EEF2K: variants seen among roughly 807,000 people sequenced by gnomAD.
EEF2K encodes the protein eukaryotic elongation factor 2 kinase.
In EEF2K, 70 loss-of-function variants were observed where a neutral mutation model predicts 93.8. The ratio of observed to expected loss-of-function variants is 0.75; its 90% CI spans 0.62 to 0.91. EEF2K has a LOEUF of 0.91. Among genes scored for constraint, EEF2K ranks in the 40% least tolerant of loss-of-function variants. The pLI, the probability that EEF2K is intolerant of heterozygous loss-of-function variation, is 0.00. For synonymous variants in EEF2K, 376 were observed against 380.8 expected (o/e 0.99, Z 0.15); for missense variants, 935 against 972.9 (o/e 0.96, Z 0.52).
At chr16:22,255,803 G>A (rs1156360477) in intron 6 of EEF2K, among the ~76,000 whole-genome samples, 3 of 152,044 alleles carry the variant, frequency 2.0e-5, no homozygotes, top group Admixed American at 6.6e-5. Context: ...CTAGCTTCTC[G>A]GGAGGCTGAG....
chr16:22,284,599 CATTTTT>C lies in EEF2K; in HGVS notation c.*608_*613del, dbSNP rs1267134795. On this transcript the variant is annotated 3_prime_UTR_variant, in exon 18 of 18. Coordinates refer to ENST00000263026, the MANE Select transcript of EEF2K (RefSeq NM_013302.5). ...CCTGCCCATTTTGTGGTTCTATTTTCATTTTTATTTCTTTTTTTTTTTTTGTCACGA... is the reference window on the plus strand; with the variant it reads ...CCTGCCCATTTTGTGGTTCTATTTTCATTTCTTTTTTTTTTTTTGTCACGA... 1 of 151,470 alleles carries C rather than the reference CATTTTT, an allele frequency of 6.6e-6. No individual in the cohort carries two copies. The highest frequency in any genetic ancestry group is 1.5e-5 in the Non-Finnish European group (1 of 67,934). The allele number at this position is 151,470 out of a possible 1,614,324, so 9.4% of individuals were successfully genotyped here. A position where few individuals can be genotyped will look rare whatever the true frequency, so the allele number is the denominator to read the frequency against.
chr16:22,250,712 C>T (rs1424435651), intron 5 of EEF2K, 21 bp downstream of exon 5: 1 of 1,613,986 alleles, frequency 6.2e-7, no homozygotes, highest in Admixed American at 1.7e-5. Flanking sequence ...CAGCCTGGCT[C>T]TTGGGGCCCT....
At position 22,266,409 on chromosome 16, in the gene EEF2K, A is replaced by G; in HGVS notation, c.1460A>G (p.Asn487Ser). Residue 487 changes from asparagine to serine, a missense_variant, in exon 14 of 18, where the codon AAT (asparagine) becomes AGT (serine). Coordinates refer to ENST00000263026, the MANE Select transcript of EEF2K (RefSeq NM_013302.5). Reference sequence around the variant, plus strand: ...CTTCAGGTATGTGTAGAGAAGTGGAATCTCCTCAACTCCTCCCGCCTCCAC... The same window carrying G: ...CTTCAGGTATGTGTAGAGAAGTGGAGTCTCCTCAACTCCTCCCGCCTCCAC... ...SSGRVCVEKW[N>S]LLNSSRLHLP... 6.2e-7 allele frequency: 1 copy of G among 1,614,016 alleles called. No homozygotes were observed. The highest frequency in any genetic ancestry group is 8.5e-7 in the Non-Finnish European group (1 of 1,179,984).
At chr16:22,256,614 C>T in intron 6 of EEF2K, 134 bp from the exon 7 acceptor site, 1 of 993,392 alleles carries the variant, frequency 1.0e-6, no homozygotes, top group East Asian at 2.8e-5. Context: ...GGAGCTCCTA[C>T]AATAGAGAGC....
At chr16:22,263,251 G>T (rs2047484359) in intron 12 of EEF2K, 64 bp downstream of exon 12, 2 of 1,475,914 alleles carry the variant, frequency 1.4e-6, no homozygotes, top group Admixed American at 2.2e-5. Context: ...CCAGGAAAAT[G>T]AAAACTCCCC....
At chr16:22,265,211 C>T (rs780893318) in intron 13 of EEF2K, 1 of 225,596 alleles carries the variant, frequency 4.4e-6, no homozygotes, top group South Asian at 9.2e-5. Context: ...GAGAGACAGG[C>T]TAATGTGACT....
At chr16:22,255,256 C>T (rs972979939) in intron 6 of EEF2K, among the ~76,000 whole-genome samples, 4 of 152,076 alleles carry the variant, frequency 2.6e-5, no homozygotes, top group Non-Finnish European at 4.4e-5. Flanking sequence ...GCAAACAGAC[C>T]CACAAAATAT....
intron 10 of EEF2K, 76 bp from the exon 11 acceptor site, chr16:22,260,386 G>T: frequency 2.6e-6 from 4 of 1,515,610 alleles, no homozygotes; most frequent in Non-Finnish European, 2.7e-6. Flanking sequence ...GGTATGGACC[G>T]CCCTAGGCCG....
chr16:22,260,550 G>A (rs375373332), intron 11 of EEF2K, 21 bp downstream of exon 11: 1 of 1,614,052 alleles, frequency 6.2e-7, no homozygotes, highest in Non-Finnish European at 8.5e-7. Context: ...AGGGAGGGAG[G>A]CTGCAGGCTT....
intron 2 of EEF2K, among the ~76,000 whole-genome samples, chr16:22,232,678 C>T (rs2047127859): frequency 6.6e-6 from 1 of 152,118 alleles, no homozygotes; most frequent in Non-Finnish European, 1.5e-5. Context: ...GTGTCTGATG[C>T]GACCTCCATT....
At chr16:22,269,152 G>C (rs183812418) in intron 15 of EEF2K, among the ~76,000 whole-genome samples, 1 of 152,192 alleles carries the variant, frequency 6.6e-6, no homozygotes, top group South Asian at 2.1e-4. Context: ...CACAGTTTTG[G>C]AAGCTAGAAG....
intron 1 of EEF2K, among the ~76,000 whole-genome samples, chr16:22,215,289 A>G (rs1433078373): frequency 6.6e-6 from 1 of 152,174 alleles, no homozygotes; most frequent in Non-Finnish European, 1.5e-5. Context: ...CTAGGAAGTC[A>G]GCCTGAATCA....
chr16:22,275,104 T>C (rs981799409), intron 16 of EEF2K, among the ~76,000 whole-genome samples: 56 of 152,158 alleles, frequency 3.7e-4, no homozygotes, highest in African/African-American at 1.3e-3. Flanking sequence ...TGTCAGTGTA[T>C]ACATATGGTG....
chr16:22,282,197 C>T (rs1219982254), intron 17 of EEF2K, among the ~76,000 whole-genome samples: 1 of 152,084 alleles, frequency 6.6e-6, no homozygotes, highest in African/African-American at 2.4e-5. Flanking sequence ...GACCCTGTCT[C>T]AAAAAACAAC....
intron 17 of EEF2K, among the ~76,000 whole-genome samples, chr16:22,282,701 G>C (rs2047707013): frequency 6.6e-6 from 1 of 152,208 alleles, no homozygotes; most frequent in South Asian, 2.1e-4. Flanking sequence ...AGATGCTGGT[G>C]CTATGCTCTT....
chr16:22,268,120 A>G (rs1484486570), intron 15 of EEF2K, among the ~76,000 whole-genome samples: 1 of 152,082 alleles, frequency 6.6e-6, no homozygotes, highest in Non-Finnish European at 1.5e-5. Context: ...TCCTTTATTT[A>G]TTTAGCTTTT....
chr16:22,223,479 A>G (rs937757545), intron 1 of EEF2K, among the ~76,000 whole-genome samples: 1 of 152,032 alleles, frequency 6.6e-6, no homozygotes, highest in Non-Finnish European at 1.5e-5. Context: ...GGGTTTCGCC[A>G]TGTTGGCCAG....
chr16:22,213,436 G>A (rs1359632902), intron 1 of EEF2K, among the ~76,000 whole-genome samples: 1 of 152,192 alleles, frequency 6.6e-6, no homozygotes, highest in Non-Finnish European at 1.5e-5. Context: ...CTAGATGCTA[G>A]TTGCACCCCT....
At chr16:22,243,321 G>A (rs1029527543) in intron 2 of EEF2K, among the ~76,000 whole-genome samples, 2 of 148,066 alleles carry the variant, frequency 1.4e-5, no homozygotes, top group South Asian at 2.1e-4. Flanking sequence ...GCACAATCTC[G>A]GCTCACTACA....
Sources: gnomAD v4.1 joint callset for allele counts (sites outside exome capture counted in the v4.1 genomes callset) on GRCh38, gnomAD v4.1.1 for gene constraint, MANE v1.5 for transcripts, NCBI Gene and HGNC (gene_info 2026-07-23, HGNC 2026-07-21) for gene names.